The following DCDC1 variants were observed in gnomAD, a reference collection of about 807,000 sequenced individuals.
The protein encoded by DCDC1 is doublecortin domain containing 1, also known as doublecortin domain-containing protein 1.
DCDC1 carries 200 observed loss-of-function variants against 178.3 expected under a neutral mutation model. The observed-to-expected ratio is 1.12, with a 90% CI of 1.00 to 1.26. The LOEUF (loss-of-function observed/expected upper bound fraction) is 1.26. DCDC1 is among the 50% of genes most tolerant of loss of function. The pLI is 0.00. For synonymous variants in DCDC1, 690 were observed against 604.8 expected (o/e 1.14, Z -2.07); for missense variants, 1,983 against 1,749.2 (o/e 1.13, Z -2.38).
intron 3 of DCDC1, among the ~76,000 whole-genome samples, chr11:31,311,020 A>C (rs1948740542): frequency 6.6e-6 from 1 of 152,060 alleles, no homozygotes; most frequent in Admixed American, 6.5e-5. Context: ...TTCTTCATAC[A>C]TCATTATTGC....
chr11:30,946,932 G>A (rs1948089529), intron 21 of DCDC1, among the ~76,000 whole-genome samples: 1 of 152,160 alleles, frequency 6.6e-6, no homozygotes, highest in Non-Finnish European at 1.5e-5. Context: ...AATCTAACAG[G>A]AGACCATCTC....
At chr11:31,272,970 C>T (rs577279906) in intron 7 of DCDC1, among the ~76,000 whole-genome samples, 13 of 152,244 alleles carry the variant, frequency 8.5e-5, no homozygotes, top group African/African-American at 3.1e-4. Context: ...AAGCCATGGC[C>T]TGAACTCTAC....
At chr11:31,282,416 A>AT (rs1946513444) in intron 7 of DCDC1, among the ~76,000 whole-genome samples, 1 of 151,384 alleles carries the variant, frequency 6.6e-6, no homozygotes, top group East Asian at 1.9e-4. Context: ...ATTAAAGGAT[A>AT]ATATATATAA....
chr11:31,089,463 G>T (rs780158818), intron 17 of DCDC1, among the ~76,000 whole-genome samples: 7 of 151,970 alleles, frequency 4.6e-5, no homozygotes, highest in Non-Finnish European at 1.0e-4. Context: ...TTGGATCAGT[G>T]GGTTATAGCT....
In DCDC1 at chr11:31,094,107, CCTG is replaced by C; in HGVS notation, c.2058_2060del (p.Ser686del). 3 of 766,226 alleles carry C rather than the reference CCTG, an allele frequency of 3.9e-6. No homozygotes were observed. The East Asian group carries it at 7.3e-5, about 19-fold the overall frequency. 47.5% of individuals were successfully genotyped at this position (766,226 alleles called of 1,614,324 possible). A position where few individuals can be genotyped will look rare whatever the true frequency, so the allele number is the denominator to read the frequency against. ...ACAGGATCGATGGCGCTATTTGACT[CCTG>C]CTGCTTGCTTCACTGCCTGAGAAAC... On this transcript the variant is annotated inframe_deletion, in exon 16 of 39. Coordinates refer to ENST00000684477, the MANE Select transcript of DCDC1 (RefSeq NM_001387274.1).
chr11:30,968,785 G>A (rs1180401904), intron 20 of DCDC1, among the ~76,000 whole-genome samples: 1 of 138,006 alleles, frequency 7.2e-6, no homozygotes, highest in East Asian at 2.1e-4. Context: ...GTCTTGAAAT[G>A]TATAGGGAGG....
chr11:31,004,000 C>T, intron 20 of DCDC1, among the ~76,000 whole-genome samples: 1 of 152,112 alleles, frequency 6.6e-6, no homozygotes, highest in East Asian at 1.9e-4. Flanking sequence ...GCTGGTGATG[C>T]TGTTCACTGA....
In DCDC1 at chr11:31,287,868, T is replaced by C. The variant is rs79772426; in HGVS notation, c.960+2779A>G. 3.1e-4 allele frequency among the ~76,000 whole-genome samples: 46 copies of C among 149,450 alleles called. No individual in the cohort carries two copies. The East Asian group carries it at 8.0e-3, about 26-fold the overall frequency. ...AAGAGAGATCCCAGGATAGAGATCA[T>C]AGAAAACAGCCAGTTCAAAAGGGAG... is the stretch of plus-strand genomic sequence containing the variant. On this transcript the variant is annotated intron_variant, in intron 7 of 38. Coordinates refer to ENST00000684477, the MANE Select transcript of DCDC1 (RefSeq NM_001387274.1).
chr11:31,302,778 T>G (rs1331187016), intron 6 of DCDC1, among the ~76,000 whole-genome samples: 1 of 152,136 alleles, frequency 6.6e-6, no homozygotes, highest in African/African-American at 2.4e-5. Flanking sequence ...GTAAAATAGT[T>G]AAAATATCAG....
At chr11:31,294,774 AAGAG>A (rs1256937156) in intron 6 of DCDC1, among the ~76,000 whole-genome samples, 4 of 149,982 alleles carry the variant, frequency 2.7e-5, no homozygotes, top group Admixed American at 2.0e-4. Context: ...AAGAGAAAGA[AAGAG>A]AAAGAAAGAA....
intron 20 of DCDC1, among the ~76,000 whole-genome samples, chr11:30,980,436 T>C (rs533667122): frequency 1.3e-5 from 2 of 152,240 alleles, no homozygotes; most frequent in East Asian, 3.9e-4. Flanking sequence ...ATACCAGTAG[T>C]ATATCATGCT....
chr11:31,136,753 C>T (rs1319206437), intron 10 of DCDC1, among the ~76,000 whole-genome samples: 1 of 152,118 alleles, frequency 6.6e-6, no homozygotes, highest in African/African-American at 2.4e-5. Flanking sequence ...CAGGAAACGA[C>T]ATGAAAATCA....
chr11:30,958,985 T>C (rs1948925978), intron 20 of DCDC1, among the ~76,000 whole-genome samples: 1 of 152,086 alleles, frequency 6.6e-6, no homozygotes, highest in African/African-American at 2.4e-5. Context: ...CATAGTCTAG[T>C]ATGGGCAAAT....
chr11:30,885,436 C>T (rs557597301), intron 36 of DCDC1, among the ~76,000 whole-genome samples: 5 of 151,878 alleles, frequency 3.3e-5, no homozygotes, highest in African/African-American at 1.2e-4. Flanking sequence ...AAATTTCTTA[C>T]AACAAATCTA....
intron 2 of DCDC1, among the ~76,000 whole-genome samples, chr11:31,329,534 C>T (rs1221281015): frequency 2.0e-5 from 3 of 152,046 alleles, no homozygotes; most frequent in Non-Finnish European, 2.9e-5. Context: ...TCTCCGAATG[C>T]TATCCCTCCA....
chr11:30,987,730 T>A (rs535818020), intron 20 of DCDC1, among the ~76,000 whole-genome samples: 1 of 152,328 alleles, frequency 6.6e-6, no homozygotes, highest in South Asian at 2.1e-4. Flanking sequence ...ATTGGCCACA[T>A]GTAGCCTAGG....
intron 20 of DCDC1, among the ~76,000 whole-genome samples, chr11:30,952,810 T>C (rs1381483978): frequency 2.0e-5 from 3 of 152,164 alleles, no homozygotes; most frequent in Non-Finnish European, 4.4e-5. Context: ...TAGACAACTA[T>C]ATTTGAGGCA....
chr11:31,155,227 C>T (rs1316480555), intron 9 of DCDC1, among the ~76,000 whole-genome samples: 1 of 152,200 alleles, frequency 6.6e-6, no homozygotes, highest in African/African-American at 2.4e-5. Context: ...GACCTCTCAA[C>T]TTTATCTAGA....
intron 17 of DCDC1, among the ~76,000 whole-genome samples, 153 bp downstream of exon 17, chr11:31,091,240 A>C (rs1163677671): frequency 6.6e-6 from 1 of 152,220 alleles, no homozygotes; most frequent in Non-Finnish European, 1.5e-5. Flanking sequence ...TTTCAAGCTT[A>C]CTTTGGATTC....
Sources: gnomAD v4.1 joint callset for allele counts (sites outside exome capture counted in the v4.1 genomes callset) on GRCh38, gnomAD v4.1.1 for gene constraint, MANE v1.5 for transcripts, NCBI Gene and HGNC (gene_info 2026-07-23, HGNC 2026-07-21) for gene names.